DCHS2: variants seen among roughly 807,000 people sequenced by gnomAD.
DCHS2 encodes protocadherin-23.
DCHS2 carries 142 observed loss-of-function variants against 182.4 expected under a neutral mutation model. The ratio of observed to expected loss-of-function variants is 0.78; its 90% CI spans 0.68 to 0.89. DCHS2 has a LOEUF of 0.89. Among genes scored for constraint, DCHS2 ranks in the 40% least tolerant of loss-of-function variants. The pLI is 0.00. For missense variants in DCHS2, 4,319 were observed against 4,198.6 expected, an observed-to-expected ratio of 1.03 and a Z score of -0.79; for synonymous variants, 1,740 against 1,663.3, an observed-to-expected ratio of 1.05 and a Z score of -1.12.
intron 13 of DCHS2, among the ~76,000 whole-genome samples, chr4:154,278,182 C>A (rs1248873434): frequency 1.3e-5 from 2 of 151,686 alleles, no homozygotes; most frequent in African/African-American, 4.8e-5. Flanking sequence ...TTTAAAAAAA[C>A]CCAGAAATTA....
chr4:154,486,162 G>A (rs1301027987), intron 1 of DCHS2, among the ~76,000 whole-genome samples: 1 of 152,194 alleles, frequency 6.6e-6, no homozygotes, highest in Non-Finnish European at 1.5e-5. Context: ...TTTGCAGCTA[G>A]AGGTTATCTA....
At chr4:154,329,247 T>G (rs576154427) in intron 6 of DCHS2, among the ~76,000 whole-genome samples, 1 of 152,332 alleles carries the variant, frequency 6.6e-6, no homozygotes, top group East Asian at 1.9e-4. Context: ...TGTCTGAGCA[T>G]TAACCTGAAG....
At chr4:154,433,048 A>G (rs1169749722) in intron 1 of DCHS2, among the ~76,000 whole-genome samples, 1 of 152,202 alleles carries the variant, frequency 6.6e-6, no homozygotes, top group Non-Finnish European at 1.5e-5. Flanking sequence ...ACTTTATTTG[A>G]AAATAGGCTC....
chr4:154,236,363 G>A lies in DCHS2; in HGVS notation c.8289C>T (p.Asn2763=), dbSNP rs138058140. The change falls in exon 20 of 20, where the codon AAC becomes AAT. Residue 2763 remains asparagine, a synonymous_variant. Transcript: ENST00000357232. The part of the protein sequence containing the change: ...AVVFVSVLDD[N]DHAPQFMFSS... ...AGAACATAAACTGAGGTGCATGGTC[G>A]TTATCATCCAGGACACTGACAAACA... 5.1e-5 allele frequency: 82 copies of A among 1,613,918 alleles called. No homozygotes were observed. The highest frequency in any genetic ancestry group is 2.3e-4 in the African/African-American group (17 of 74,916).
chr4:154,288,112 C>A (rs981073105), intron 13 of DCHS2, among the ~76,000 whole-genome samples: 1 of 151,950 alleles, frequency 6.6e-6, no homozygotes. Context: ...CTAAACTCCC[C>A]AATCAAAAGA....
intron 1 of DCHS2, among the ~76,000 whole-genome samples, chr4:154,450,136 G>GAGGTTGCTGAGAATCCAAAGAGAA (rs1409525811): frequency 6.6e-6 from 1 of 152,238 alleles, no homozygotes; most frequent in Non-Finnish European, 1.5e-5. Context: ...AAACAGCACA[G>GAGGTTGCTGAGAATCCAAAGAGAA]AGGTTGCTGA....
intron 1 of DCHS2, among the ~76,000 whole-genome samples, chr4:154,436,365 T>A (rs567893562): frequency 6.6e-6 from 1 of 152,354 alleles, no homozygotes; most frequent in East Asian, 1.9e-4. Flanking sequence ...TTTTCCATCA[T>A]GATTGCTTGA....
At chr4:154,318,481 T>G (rs1002251609) in intron 9 of DCHS2, among the ~76,000 whole-genome samples, 5 of 151,784 alleles carry the variant, frequency 3.3e-5, no homozygotes, top group Non-Finnish European at 5.9e-5. Flanking sequence ...TCCTAAAGAC[T>G]CCACCAAAAA....
chr4:154,471,197 CCA>C (rs1386919235), intron 1 of DCHS2, among the ~76,000 whole-genome samples: 3 of 152,186 alleles, frequency 2.0e-5, no homozygotes, highest in Non-Finnish European at 4.4e-5. Context: ...TGTTTCAACT[CCA>C]CAGTGTCTCC....
At chr4:154,415,708 G>A (rs1732803744) in intron 1 of DCHS2, among the ~76,000 whole-genome samples, 1 of 152,134 alleles carries the variant, frequency 6.6e-6, no homozygotes. Context: ...AGCTAATTAG[G>A]AGGAAACCGA....
intron 16 of DCHS2, among the ~76,000 whole-genome samples, chr4:154,244,939 G>C (rs1732003719): frequency 6.6e-6 from 1 of 152,018 alleles, no homozygotes; most frequent in Admixed American, 6.6e-5. Flanking sequence ...TAAAGTCTCA[G>C]CCAAGACATC....
At chr4:154,432,305 G>T (rs1733592489) in intron 1 of DCHS2, among the ~76,000 whole-genome samples, 1 of 152,110 alleles carries the variant, frequency 6.6e-6, no homozygotes, top group Admixed American at 6.5e-5. Flanking sequence ...AAGACTCTCA[G>T]CTTATCTACA....
chr4:154,362,742 C>G (rs1041798342), intron 3 of DCHS2, among the ~76,000 whole-genome samples: 2 of 152,152 alleles, frequency 1.3e-5, no homozygotes, highest in Admixed American at 1.3e-4. Context: ...CAACCCTTCT[C>G]CTTCCTCTTC....
chr4:154,396,801 A>G (rs142190257), intron 1 of DCHS2, among the ~76,000 whole-genome samples: 126 of 152,286 alleles, frequency 8.3e-4, no homozygotes, highest in African/African-American at 1.2e-3. Flanking sequence ...CAAAGGCCCA[A>G]TGCAATTTTT....
At chr4:154,332,399 T>G (rs1736574245) in intron 5 of DCHS2, 79 bp downstream of exon 5, 2 of 1,303,570 alleles carry the variant, frequency 1.5e-6, no homozygotes, top group Admixed American at 4.7e-5. Context: ...AATTTTTTAT[T>G]TTTATTTTTA....
intron 3 of DCHS2, among the ~76,000 whole-genome samples, chr4:154,355,270 T>C (rs967329252): frequency 4.6e-5 from 7 of 152,112 alleles, no homozygotes; most frequent in Non-Finnish European, 1.0e-4. Context: ...AAGCAACCTA[T>C]GATCATCTTC....
intron 3 of DCHS2, among the ~76,000 whole-genome samples, chr4:154,352,805 C>T (rs906008006): frequency 1.1e-4 from 16 of 152,148 alleles, no homozygotes; most frequent in Non-Finnish European, 1.8e-4. Context: ...TCAGGACATT[C>T]GCAAAATCCT....
intron 1 of DCHS2, among the ~76,000 whole-genome samples, chr4:154,378,520 A>AGAAGGAAG (rs70947162): frequency 0.38 from 24,228 of 64,028 alleles, 5,278 homozygotes; most frequent in Admixed American, 0.53. Flanking sequence ...AAGGAAGGAA[A>AGAAGGAAG]GAAGGAAGGA....
chr4:154,338,680 A>G (rs960587986), intron 3 of DCHS2, among the ~76,000 whole-genome samples: 13 of 152,254 alleles, frequency 8.5e-5, no homozygotes, highest in Non-Finnish European at 1.9e-4. Context: ...TGACCTTAAT[A>G]TCCATCAGGA....
Sources: allele counts gnomAD v4.1 joint callset (sites outside exome capture counted in the v4.1 genomes callset), GRCh38; gene constraint gnomAD v4.1.1; transcripts MANE v1.5; gene names NCBI Gene and HGNC (gene_info 2026-07-23, HGNC 2026-07-21).